PDLIM5: variants seen among roughly 807,000 people sequenced by gnomAD.
PDLIM5 encodes the protein PDZ and LIM domain 5.
A neutral mutation model predicts 64.2 loss-of-function variants in PDLIM5; 34 were observed. That is an observed-to-expected ratio of 0.53 (90% confidence interval 0.40 to 0.71). The LOEUF is 0.71. Ranked by LOEUF, PDLIM5 falls within the 30% of genes least tolerant of loss-of-function variation. The pLI is 0.00. For missense variants in PDLIM5, 683 were observed against 733.6 expected, an observed-to-expected ratio of 0.93 and a Z score of 0.80; for synonymous variants, 253 against 269.1, an observed-to-expected ratio of 0.94 and a Z score of 0.59.
rs148752622 is a variant in PDLIM5, at chr4:94,666,574, TTTTG to T, written c.*2519_*2522del. Reference sequence around the variant, plus strand: ...TTGATGGTTTTGTTTGGTGTGAGCTTTTTGTTTGTTTGTTTAGTTTTGCCTTCAT... The same window carrying T: ...TTGATGGTTTTGTTTGGTGTGAGCTTTTTGTTTGTTTAGTTTTGCCTTCAT... On this transcript the variant is annotated 3_prime_UTR_variant, in exon 13 of 13. Coordinates refer to ENST00000317968, the MANE Select transcript of PDLIM5 (RefSeq NM_006457.5). 31,122 of 152,440 alleles carry T rather than the reference TTTTG, an allele frequency of 0.2. 3,385 individuals are homozygous for T. The highest frequency in any genetic ancestry group is 0.29 in the East Asian group (1,503 of 5,152). The allele number at this position is 152,440 out of a possible 1,614,324, so 9.4% of individuals were successfully genotyped here.
At chr4:94,538,355 C>T (rs187481586) in intron 3 of PDLIM5, among the ~76,000 whole-genome samples, 54 of 152,250 alleles carry the variant, frequency 3.5e-4, no homozygotes, top group Non-Finnish European at 5.7e-4. Flanking sequence ...AGCTATTAAC[C>T]AGCAGAGCCC....
chr4:94,562,427 A>C (rs1733928220), intron 3 of PDLIM5, among the ~76,000 whole-genome samples: 1 of 152,234 alleles, frequency 6.6e-6, no homozygotes, highest in South Asian at 2.1e-4. Context: ...CCACTGTGAT[A>C]AAAGTGTGAA....
intron 2 of PDLIM5, among the ~76,000 whole-genome samples, chr4:94,473,084 G>T (rs1207883471): frequency 6.6e-6 from 1 of 152,096 alleles, no homozygotes; most frequent in Non-Finnish European, 1.5e-5. Flanking sequence ...GAGCAAATAA[G>T]ACCTCACAGA....
intron 3 of PDLIM5, among the ~76,000 whole-genome samples, chr4:94,528,889 C>T (rs1730609301): frequency 6.6e-6 from 1 of 152,124 alleles, no homozygotes. Context: ...TCCTTACCAC[C>T]CTATTTTAAA....
chr4:94,646,815 A>T (rs933747763), intron 9 of PDLIM5, among the ~76,000 whole-genome samples: 3 of 152,164 alleles, frequency 2.0e-5, no homozygotes, highest in African/African-American at 7.2e-5. Flanking sequence ...TCACACCCGA[A>T]TGATGGGTGT....
At chr4:94,630,384 TA>T (rs1441379817) in intron 8 of PDLIM5, among the ~76,000 whole-genome samples, 2 of 152,220 alleles carry the variant, frequency 1.3e-5, no homozygotes, top group South Asian at 2.1e-4. Context: ...TATATGTATA[TA>T]TTTTTTTAAG....
At chr4:94,604,249 A>C (rs899941857) in intron 7 of PDLIM5, among the ~76,000 whole-genome samples, 4 of 151,066 alleles carry the variant, frequency 2.6e-5, no homozygotes, top group African/African-American at 4.8e-5. Context: ...AAAATGAGGA[A>C]TGTGCACAAA....
intron 11 of PDLIM5, among the ~76,000 whole-genome samples, chr4:94,660,951 G>T (rs1742654523): frequency 1.3e-5 from 2 of 152,096 alleles, no homozygotes; most frequent in African/African-American, 2.4e-5. Flanking sequence ...GGTTTTGGTG[G>T]TGGGCACCTG....
At chr4:94,498,727 T>A (rs774989) in intron 2 of PDLIM5, among the ~76,000 whole-genome samples, 124,715 of 152,166 alleles carry the variant, frequency 0.82, 51,233 homozygotes, top group East Asian at 0.94. Flanking sequence ...CTGATGTGGG[T>A]GGGAAGACCT....
chr4:94,498,612 G>T (rs1727624794), intron 2 of PDLIM5, among the ~76,000 whole-genome samples: 1 of 152,144 alleles, frequency 6.6e-6, no homozygotes, highest in African/African-American at 2.4e-5. Flanking sequence ...CGTTGTTGTT[G>T]TTCACTGCTG....
At chr4:94,521,251 C>T (rs567921372) in intron 2 of PDLIM5, among the ~76,000 whole-genome samples, 3 of 152,036 alleles carry the variant, frequency 2.0e-5, no homozygotes, top group Non-Finnish European at 4.4e-5. Flanking sequence ...AATGGGGCCA[C>T]CATTCGGGAA....
intron 3 of PDLIM5, among the ~76,000 whole-genome samples, chr4:94,552,666 T>C (rs950600186): frequency 2.0e-5 from 3 of 152,070 alleles, no homozygotes; most frequent in Non-Finnish European, 4.4e-5. Context: ...TGTATACTAA[T>C]ATATAAATAT....
intron 7 of PDLIM5, among the ~76,000 whole-genome samples, chr4:94,617,554 C>T (rs1489448756): frequency 6.6e-6 from 1 of 151,232 alleles, no homozygotes; most frequent in Non-Finnish European, 1.5e-5. Context: ...CACCTGTAAT[C>T]CCAGTGCTTT....
chr4:94,592,904 G>A (rs765814365), intron 7 of PDLIM5, among the ~76,000 whole-genome samples: 13 of 152,016 alleles, frequency 8.6e-5, no homozygotes, highest in Non-Finnish European at 1.8e-4. Flanking sequence ...GAGCCATTGC[G>A]TCTGGCCTAG....
At chr4:94,582,610 C>CT (rs1735820986) in intron 5 of PDLIM5, 2 of 678,196 alleles carry the variant, frequency 2.9e-6, no homozygotes, top group Non-Finnish European at 5.2e-6. Flanking sequence ...ATTGTCTTTT[C>CT]TTTTTCTTCT....
chr4:94,614,671 T>C (rs1738630684), intron 7 of PDLIM5, among the ~76,000 whole-genome samples: 1 of 152,222 alleles, frequency 6.6e-6, no homozygotes, highest in African/African-American at 2.4e-5. Flanking sequence ...CTATGAATTC[T>C]TTATAGTCTA....
In PDLIM5 at chr4:94,471,453, A is replaced by G. The variant is rs562344169; in HGVS notation, c.96+16069A>G. 6.5e-4 allele frequency among the ~76,000 whole-genome samples: 99 copies of G among 152,200 alleles called. 1 individual carries two copies. Among genetic ancestry groups the G allele is most frequent in the Middle Eastern group, 6.8e-3 (2 of 294 alleles). On this transcript the variant is annotated intron_variant, in intron 2 of 12. Transcript: ENST00000317968. Reference sequence around the variant, plus strand: ...GATGAATAGTCAAATATCTGTAAACATTATATTATCAAAACTAATATATTA... The same window carrying G: ...GATGAATAGTCAAATATCTGTAAACGTTATATTATCAAAACTAATATATTA...
At chr4:94,457,071 AAT>A in intron 2 of PDLIM5, 1 of 829,966 alleles carries the variant, frequency 1.2e-6, no homozygotes, top group Non-Finnish European at 1.5e-6. Context: ...TGTATGTATA[AAT>A]ATATATACAC....
chr4:94,481,290 C>CTT (rs35147211), intron 2 of PDLIM5, among the ~76,000 whole-genome samples: 13 of 129,612 alleles, frequency 1.0e-4, no homozygotes, highest in Middle Eastern at 3.9e-3. Flanking sequence ...CAGCTTATTC[C>CTT]TTTTTTTTTT....
Sources: gnomAD v4.1 joint callset for allele counts (sites outside exome capture counted in the v4.1 genomes callset) on GRCh38, gnomAD v4.1.1 for gene constraint, MANE v1.5 for transcripts, NCBI Gene and HGNC (gene_info 2026-07-23, HGNC 2026-07-21) for gene names.